UNC13C: variants seen among roughly 807,000 people sequenced by gnomAD.
The protein encoded by UNC13C is protein unc-13 homolog C.
A neutral mutation model predicts 245.4 loss-of-function variants in UNC13C; 174 were observed. That is an observed-to-expected ratio of 0.71 (90% CI 0.63 to 0.80). The LOEUF (loss-of-function observed/expected upper bound fraction) is 0.80, where lower values mean the gene tolerates loss of function less well. Ranked by LOEUF, UNC13C falls within the 30% of genes least tolerant of loss-of-function variation. UNC13C has a pLI of 0.00. For synonymous variants in UNC13C, 992 were observed against 895.1 expected, an observed-to-expected ratio of 1.11 and a Z score of -1.93; for missense variants, 2,829 against 2,602.9, an observed-to-expected ratio of 1.09 and a Z score of -1.89.
chr15:54,326,846 A>G (rs1415937831), intron 14 of UNC13C, among the ~76,000 whole-genome samples: 1 of 152,032 alleles, frequency 6.6e-6, no homozygotes, highest in Non-Finnish European at 1.5e-5. Context: ...GCTCATGAGA[A>G]CTGATCAGTA....
At chr15:54,306,998 G>A (rs1255805480) in intron 13 of UNC13C, among the ~76,000 whole-genome samples, 1 of 151,976 alleles carries the variant, frequency 6.6e-6, no homozygotes, top group East Asian at 1.9e-4. Flanking sequence ...TCATGTGCCA[G>A]AAACATTTCT....
At chr15:54,416,799 C>T (rs1475646446) in intron 19 of UNC13C, 2 of 418,338 alleles carry the variant, frequency 4.8e-6, no homozygotes, top group African/African-American at 2.0e-5. Flanking sequence ...CTCTGCTGTT[C>T]CCTATAGCAG....
chr15:54,448,384 T>C (rs1286611312), intron 19 of UNC13C, among the ~76,000 whole-genome samples: 1 of 152,180 alleles, frequency 6.6e-6, no homozygotes, highest in Non-Finnish European at 1.5e-5. Flanking sequence ...TGTTAAAGTT[T>C]CCCATTATTA....
chr15:54,131,893 A>G (rs1286218085), intron 2 of UNC13C, among the ~76,000 whole-genome samples: 1 of 152,070 alleles, frequency 6.6e-6, no homozygotes, highest in African/African-American at 2.4e-5. Context: ...TTACTCTGCC[A>G]GGAATACCTT....
intron 30 of UNC13C, among the ~76,000 whole-genome samples, chr15:54,570,954 C>CA (rs749940211): frequency 8.5e-5 from 13 of 152,122 alleles, no homozygotes; most frequent in Non-Finnish European, 1.8e-4. Flanking sequence ...AAGTGCTATA[C>CA]AATTCTTTGA....
intron 2 of UNC13C, among the ~76,000 whole-genome samples, chr15:54,113,815 G>T (rs369509425): frequency 6.6e-6 from 1 of 152,088 alleles, no homozygotes; most frequent in African/African-American, 2.4e-5. Context: ...AACAGAGTGA[G>T]ACTCTCCCTC....
At chr15:54,196,930 C>A (rs151292689) in intron 4 of UNC13C, among the ~76,000 whole-genome samples, 2 of 152,070 alleles carry the variant, frequency 1.3e-5, no homozygotes, top group Admixed American at 1.3e-4. Context: ...TCTATTATAT[C>A]ATCACCTCTG....
At chr15:54,236,745 G>A (rs1403745438) in intron 6 of UNC13C, among the ~76,000 whole-genome samples, 2 of 152,176 alleles carry the variant, frequency 1.3e-5, no homozygotes, top group Non-Finnish European at 2.9e-5. Context: ...GAGATGAGTG[G>A]AGAGTGACAT....
At chr15:54,333,451 C>T (rs1336473253) in intron 15 of UNC13C, among the ~76,000 whole-genome samples, 1 of 151,748 alleles carries the variant, frequency 6.6e-6, no homozygotes, top group East Asian at 1.9e-4. Flanking sequence ...ATACTTAATC[C>T]TTTTAGTAGC....
intron 2 of UNC13C, among the ~76,000 whole-genome samples, chr15:54,070,704 G>C (rs1898281744): frequency 6.6e-6 from 1 of 152,068 alleles, no homozygotes; most frequent in Admixed American, 6.6e-5. Flanking sequence ...AGTTAGCTGT[G>C]GCCTCTGCTG....
intron 8 of UNC13C, among the ~76,000 whole-genome samples, chr15:54,261,085 A>G (rs1217757326): frequency 3.9e-5 from 6 of 152,158 alleles, no homozygotes; most frequent in African/African-American, 1.2e-4. Flanking sequence ...AAAAGTATCA[A>G]TGATGCATTT....
At chr15:54,401,340 G>A (rs1199130650) in intron 18 of UNC13C, among the ~76,000 whole-genome samples, 1 of 152,044 alleles carries the variant, frequency 6.6e-6, no homozygotes, top group Non-Finnish European at 1.5e-5. Context: ...AAATTAATCA[G>A]GAGTCTGAAA....
intron 7 of UNC13C, among the ~76,000 whole-genome samples, chr15:54,238,789 T>C (rs900465737): frequency 1.3e-5 from 2 of 152,204 alleles, no homozygotes; most frequent in Admixed American, 6.5e-5. Flanking sequence ...AAATTCTGAT[T>C]GAATGAAAGA....
intron 20 of UNC13C, 48 bp from the exon 21 acceptor site, chr15:54,500,031 A>G (rs1894129495): frequency 1.5e-6 from 2 of 1,340,776 alleles, no homozygotes; most frequent in Non-Finnish European, 2.1e-6. Flanking sequence ...TGTTAATTTT[A>G]TGCAAATGAT....
At chr15:53,889,215 C>G in the UNC13C span, among the ~76,000 whole-genome samples, 1 of 152,152 alleles carries the variant, frequency 6.6e-6, no homozygotes, top group Non-Finnish European at 1.5e-5. Context: ...TTTGTGTCCT[C>G]TCTTATTTCC....
chr15:54,497,587 G>C lies in UNC13C; in HGVS notation c.5061-2492G>C, dbSNP rs1039321930. Among the ~76,000 whole-genome samples, 3 of 151,928 alleles carry C rather than the reference G, an allele frequency of 2.0e-5. 1 individual carries two copies. The highest frequency in any genetic ancestry group is 4.4e-5 in the Non-Finnish European group (3 of 67,976). On this transcript the variant is annotated intron_variant, in intron 20 of 32. Transcript: ENST00000260323. ...GCAGAAGAAAATCAAGTAGAAAGTG[G>C]CCACTAAGAGATTGGGAACTAAGTA...
At chr15:54,474,811 C>A (rs1892639861) in intron 19 of UNC13C, among the ~76,000 whole-genome samples, 1 of 151,950 alleles carries the variant, frequency 6.6e-6, no homozygotes, top group South Asian at 2.1e-4. Flanking sequence ...GTATCTGCTT[C>A]TGGTGAGGGC....
the UNC13C span, among the ~76,000 whole-genome samples, chr15:53,969,284 G>A: frequency 6.6e-6 from 1 of 152,118 alleles, no homozygotes; most frequent in Non-Finnish European, 1.5e-5. Flanking sequence ...GGCAGCCCTG[G>A]TCATGCTCTA....
At chr15:54,227,557 G>A (rs973890479) in intron 4 of UNC13C, among the ~76,000 whole-genome samples, 3 of 152,174 alleles carry the variant, frequency 2.0e-5, no homozygotes, top group African/African-American at 4.8e-5. Flanking sequence ...CGAGGGGGCA[G>A]GGGGGTAGTG....
Sources: gnomAD v4.1 joint callset for allele counts (sites outside exome capture counted in the v4.1 genomes callset) on GRCh38, gnomAD v4.1.1 for gene constraint, MANE v1.5 for transcripts, NCBI Gene and HGNC (gene_info 2026-07-23, HGNC 2026-07-21) for gene names.